Variants in GNPAT observed in about 807,000 individuals in gnomAD.
GNPAT encodes dihydroxyacetone phosphate acyltransferase.
GNPAT carries 30 observed loss-of-function variants against 78.4 expected under a neutral mutation model. The ratio of observed to expected loss-of-function variants is 0.38; its 90% CI spans 0.29 to 0.52. The LOEUF is 0.52. Ranked by LOEUF, GNPAT falls within the 20% of genes least tolerant of loss-of-function variation. The probability of loss-of-function intolerance (pLI) is 0.84; values close to 1 mark genes in which losing one functional copy is unlikely to be tolerated. For synonymous variants in GNPAT, 271 were observed against 281.1 expected (o/e 0.96, Z 0.36); for missense variants, 714 against 812.2 (o/e 0.88, Z 1.47).
chr1:231,273,875 A>G (rs1685635221), intron 11 of GNPAT, 47 bp from the exon 12 acceptor site: 2 of 1,505,764 alleles, frequency 1.3e-6, no homozygotes, highest in South Asian at 2.3e-5. Context: ...GATGGGCACT[A>G]TACCCATTAA....
rs200007027 is a variant in GNPAT at position 231,274,006 on chromosome 1, A to G, written c.1687A>G (p.Asn563Asp). The G allele has an allele frequency of 2.2e-5, 36 of 1,612,400 alleles. No homozygotes were observed. Among genetic ancestry groups the G allele is most frequent in the Admixed American group, 3.3e-5 (2 of 60,026 alleles). Reference sequence around the variant, plus strand: ...AGACATCCTAGTTACAGAGAAAGGAAATACTGTGTTAGAATTTTTAGTAGG... The same window carrying G: ...AGACATCCTAGTTACAGAGAAAGGAGATACTGTGTTAGAATTTTTAGTAGG... ...TKDILVTEKG[N>D]TVLEFLVGLF... Residue 563 changes from asparagine to aspartate, a missense_variant, in exon 12 of 16, where the codon AAT (asparagine) becomes GAT (aspartate). Coordinates refer to ENST00000366647, the MANE Select transcript of GNPAT (RefSeq NM_014236.4).
At chr1:231,250,870 T>C (rs1402076446) in intron 1 of GNPAT, 91 bp from the exon 2 acceptor site, 1 of 831,764 alleles carries the variant, frequency 1.2e-6, no homozygotes, top group Non-Finnish European at 2.1e-6. Flanking sequence ...GAGTAATATT[T>C]TGTCAAAGAT....
At chr1:231,267,540 G>T in intron 8 of GNPAT, 140 bp from the exon 9 acceptor site, 1 of 721,196 alleles carries the variant, frequency 1.4e-6, no homozygotes, top group South Asian at 1.4e-5. Context: ...TAAAGCAAAG[G>T]AATACTGTTT....
chr1:231,263,433 T>G (rs2102816003), intron 4 of GNPAT, among the ~76,000 whole-genome samples: 1 of 152,286 alleles, frequency 6.6e-6, no homozygotes, highest in South Asian at 2.1e-4. Context: ...TCTAGATGCT[T>G]GATATAGGTG....
chr1:231,247,494 A>G (rs957428870), intron 1 of GNPAT, among the ~76,000 whole-genome samples: 3 of 152,184 alleles, frequency 2.0e-5, no homozygotes, highest in Non-Finnish European at 2.9e-5. Flanking sequence ...GACCTGTTCA[A>G]TCTAGGTAAA....
intron 9 of GNPAT, among the ~76,000 whole-genome samples, chr1:231,269,096 G>A (rs551120126): frequency 4.0e-4 from 60 of 150,288 alleles, no homozygotes; most frequent in South Asian, 1.1e-3. Context: ...CCCCTGGGTT[G>A]CAGAGGGCAG....
chr1:231,250,888 T>C, intron 1 of GNPAT, 73 bp from the exon 2 acceptor site: 1 of 966,164 alleles, frequency 1.0e-6, no homozygotes, highest in South Asian at 1.3e-5. Context: ...GATGAAACCT[T>C]ACCAATGTAG....
In GNPAT at chr1:231,260,517, A is replaced by C. The variant is rs1226683732; in HGVS notation, c.272A>C (p.Glu91Ala). Residue 91 changes from glutamate (E) to alanine (A), a missense_variant, in exon 3 of 16, where the codon GAA becomes GCA. By Grantham distance (107) the Glu-to-Ala change is moderately radical. Transcript: ENST00000366647. Reference sequence around the variant, plus strand: ...TTCCTTTCCTTTTAGCTTTCCAAGGAATCCCTTCAATCTGTGGATGTCCTC... The same window carrying C: ...TTCCTTTCCTTTTAGCTTTCCAAGGCATCCCTTCAATCTGTGGATGTCCTC... ...IHYVIKQLSK[E>A]SLQSVDVLRE... 1.2e-6 allele frequency: 2 copies of C among 1,607,086 alleles called. No homozygotes were observed. The highest frequency in any genetic ancestry group is 1.7e-6 in the Non-Finnish European group (2 of 1,173,776).
chr1:231,250,833 G>T, intron 1 of GNPAT, 128 bp from the exon 2 acceptor site: 1 of 665,050 alleles, frequency 1.5e-6, no homozygotes, highest in Non-Finnish European at 2.8e-6. Context: ...TCTAACATCA[G>T]AACACTCTGC....
intron 1 of GNPAT, among the ~76,000 whole-genome samples, chr1:231,241,787 G>T (rs540637405): frequency 1.3e-5 from 2 of 152,324 alleles, no homozygotes; most frequent in East Asian, 3.9e-4. Context: ...CATCTCTAGC[G>T]AGGGCATGTC....
intron 2 of GNPAT, among the ~76,000 whole-genome samples, chr1:231,255,713 G>C (rs745501169): frequency 6.6e-5 from 10 of 152,128 alleles, no homozygotes; most frequent in Non-Finnish European, 1.2e-4. Flanking sequence ...GGGATTACAG[G>C]TGTGAGCCAC....
At chr1:231,273,297 G>T (rs1399529347) in intron 11 of GNPAT, among the ~76,000 whole-genome samples, 1 of 148,976 alleles carries the variant, frequency 6.7e-6, no homozygotes, top group Non-Finnish European at 1.5e-5. Flanking sequence ...TGTCGCTCAG[G>T]CTAGAGTGCA....
intron 4 of GNPAT, among the ~76,000 whole-genome samples, chr1:231,263,520 A>C (rs889885440): frequency 6.6e-6 from 1 of 152,194 alleles, no homozygotes; most frequent in African/African-American, 2.4e-5. Context: ...TCCATGTTGC[A>C]GCATGTGTCA....
rs192403476 is a variant in GNPAT at position 231,263,354 on chromosome 1, A to G, written c.568+502A>G. Among the ~76,000 whole-genome samples, 6 of 152,168 alleles carry G rather than the reference A, an allele frequency of 3.9e-5. No individual in the cohort carries two copies. The East Asian group carries it at 1.2e-3, about 29-fold the overall frequency. On this transcript the variant is annotated intron_variant, in intron 4 of 15. Coordinates refer to ENST00000366647, the MANE Select transcript of GNPAT (RefSeq NM_014236.4). Reference sequence around the variant, plus strand: ...AAAACTGAAATGGTACCCATTCAACACACTCCCCGTTCTACCCTCCCCCTG... The same window carrying G: ...AAAACTGAAATGGTACCCATTCAACGCACTCCCCGTTCTACCCTCCCCCTG...
chr1:231,275,158 T>C (rs1685674820), intron 12 of GNPAT, 63 bp from the exon 13 acceptor site: 4 of 913,866 alleles, frequency 4.4e-6, no homozygotes, highest in South Asian at 1.4e-5. Context: ...TTATTTACTA[T>C]TCTGTTGAAC....
At chr1:231,244,298 A>G (rs1684692704) in intron 1 of GNPAT, among the ~76,000 whole-genome samples, 1 of 152,240 alleles carries the variant, frequency 6.6e-6, no homozygotes, top group Non-Finnish European at 1.5e-5. Flanking sequence ...AATCTGATGC[A>G]TAAAAGTGGA....
chr1:231,256,479 C>CTTTTTTTTTTT (rs10693276), intron 2 of GNPAT, among the ~76,000 whole-genome samples: 3 of 75,904 alleles, frequency 4.0e-5, no homozygotes, highest in African/African-American at 5.6e-5. Flanking sequence ...CTAATTTTCT[C>CTTTTTTTTTTT]TTTTTTTTTT....
At chr1:231,249,670 A>G (rs1401789871) in intron 1 of GNPAT, among the ~76,000 whole-genome samples, 5 of 152,228 alleles carry the variant, frequency 3.3e-5, no homozygotes, top group Admixed American at 2.0e-4. Context: ...GAATGATTCC[A>G]TTCGGGACTC....
At chr1:231,263,495 T>C (rs1471274829) in intron 4 of GNPAT, among the ~76,000 whole-genome samples, 1 of 152,238 alleles carries the variant, frequency 6.6e-6, no homozygotes, top group Middle Eastern at 3.2e-3. Flanking sequence ...CTTAACAGAA[T>C]GCCCTCAAGG....
Sources: allele counts gnomAD v4.1 joint callset (sites outside exome capture counted in the v4.1 genomes callset), GRCh38; gene constraint gnomAD v4.1.1; transcripts MANE v1.5; gene names NCBI Gene and HGNC (gene_info 2026-07-23, HGNC 2026-07-21).